Variants in CNOT6 observed in about 807,000 individuals in gnomAD.
CNOT6 encodes the protein CCR4-NOT transcription complex subunit 6.
A neutral mutation model predicts 61.2 loss-of-function variants in CNOT6; 12 were observed. The observed-to-expected ratio is 0.20, with a 90% CI of 0.13 to 0.32. CNOT6 has a LOEUF of 0.32. CNOT6 is among the 10% of genes least tolerant of loss of function. The probability of loss-of-function intolerance (pLI) is 1.00; values close to 1 mark genes in which losing one functional copy is unlikely to be tolerated. For synonymous variants in CNOT6, 225 were observed against 240.6 expected (o/e 0.94, Z 0.60); for missense variants, 405 against 663.9 (o/e 0.61, Z 4.28).
chr5:180,506,105 A>T (rs1228642230), intron 1 of CNOT6, among the ~76,000 whole-genome samples: 4 of 152,212 alleles, frequency 2.6e-5, no homozygotes, highest in Non-Finnish European at 5.9e-5. Flanking sequence ...TAGAAAGACT[A>T]GCTTTGGAGT....
In CNOT6 at chr5:180,549,865, T is replaced by C. The variant is rs965251632; in HGVS notation, c.113-66T>C. ...ACTCATAAAAACATCTAAATCTTAC[T>C]GAAATCTACAGAACAAAATGTAGAG... On this transcript the variant is annotated intron_variant, in intron 2 of 11. Coordinates refer to ENST00000261951, the MANE Select transcript of CNOT6 (RefSeq NM_001370472.1). 3.3e-6 allele frequency: 4 copies of C among 1,225,098 alleles called. No homozygotes were observed. In the African/African-American group the frequency reaches 4.5e-5, roughly 14 times the overall value. 75.9% of individuals were successfully genotyped at this position (1,225,098 alleles called of 1,614,324 possible).
intron 10 of CNOT6, among the ~76,000 whole-genome samples, chr5:180,570,014 C>T (rs966366019): frequency 3.3e-5 from 5 of 152,250 alleles, no homozygotes; most frequent in Admixed American, 2.0e-4. Context: ...CACACACACA[C>T]GCACATTTGG....
rs201756143 is a variant in CNOT6, at chr5:180,567,044, A to G, written c.718-44A>G. On this transcript the variant is annotated intron_variant, in intron 7 of 11. Coordinates refer to ENST00000261951, the MANE Select transcript of CNOT6 (RefSeq NM_001370472.1). ...ATACATAGAAGTTAATATGCAGACT[A>G]ATTTTTGTCTTATGAAATAACTGTG... is the stretch of plus-strand genomic sequence containing the variant. 3.4e-5 allele frequency: 52 copies of G among 1,548,510 alleles called. No homozygotes were observed. In the Admixed American group the frequency reaches 3.4e-4, roughly 10 times the overall value.
intron 6 of CNOT6, among the ~76,000 whole-genome samples, chr5:180,565,030 G>A (rs1235934818): frequency 6.6e-6 from 1 of 152,248 alleles, no homozygotes; most frequent in African/African-American, 2.4e-5. Context: ...CTGGGGAGAA[G>A]TGCTGCTGGC....
chr5:180,537,804 C>CTTTT (rs11407875), intron 2 of CNOT6, among the ~76,000 whole-genome samples: 4 of 141,942 alleles, frequency 2.8e-5, no homozygotes, highest in African/African-American at 1.0e-4. Context: ...CTTTCTCTCT[C>CTTTT]TTTTTTTTTT....
intron 1 of CNOT6, among the ~76,000 whole-genome samples, chr5:180,526,790 A>G (rs1369826293): frequency 6.6e-6 from 1 of 152,134 alleles, no homozygotes; most frequent in African/African-American, 2.4e-5. Context: ...CTTTGAGGGA[A>G]TATGCATGGG....
intron 1 of CNOT6, among the ~76,000 whole-genome samples, chr5:180,528,705 A>C (rs1448680150): frequency 6.6e-6 from 1 of 152,194 alleles, no homozygotes; most frequent in Non-Finnish European, 1.5e-5. Flanking sequence ...ACTCAGTTGC[A>C]GTCATTTTTC....
At chr5:180,548,544 CA>C (rs933191601) in intron 2 of CNOT6, among the ~76,000 whole-genome samples, 1 of 152,194 alleles carries the variant, frequency 6.6e-6, no homozygotes, top group African/African-American at 2.4e-5. Flanking sequence ...CAGGGAGGAT[CA>C]CTGTCCTCTA....
intron 1 of CNOT6, among the ~76,000 whole-genome samples, chr5:180,505,118 C>G (rs1757063621): frequency 6.6e-6 from 1 of 150,826 alleles, no homozygotes; most frequent in African/African-American, 2.4e-5. Flanking sequence ...GCCACCACAC[C>G]CAGCTAATTT....
At chr5:180,515,607 T>C (rs1475345066) in intron 1 of CNOT6, among the ~76,000 whole-genome samples, 3 of 151,958 alleles carry the variant, frequency 2.0e-5, no homozygotes, top group South Asian at 2.1e-4. Context: ...ATAGTTGAAG[T>C]TGAGAAATGA....
Position 180,575,499 on chromosome 5 carries a change from A to C in CNOT6, c.*1299A>C, listed in dbSNP as rs1760964443. 6.6e-6 allele frequency: 1 copy of C among 152,224 alleles called. No homozygotes were observed. Among genetic ancestry groups the C allele is most frequent in the Non-Finnish European group, 1.5e-5 (1 of 68,006 alleles). 9.4% of individuals were successfully genotyped at this position (152,224 alleles called of 1,614,324 possible). A position where few individuals can be genotyped will look rare whatever the true frequency, so the allele number is the denominator to read the frequency against. On this transcript the variant is annotated 3_prime_UTR_variant, in exon 12 of 12. Coordinates refer to ENST00000261951, the MANE Select transcript of CNOT6 (RefSeq NM_001370472.1). ...TTTTAATCATTCCTTTTTTAAGAAG[A>C]AGTAATTTTCCATTTATGAAGCAGT...
At chr5:180,504,229 A>G (rs1202817379) in intron 1 of CNOT6, among the ~76,000 whole-genome samples, 1 of 152,194 alleles carries the variant, frequency 6.6e-6, no homozygotes, top group African/African-American at 2.4e-5. Context: ...TATAGCTTTC[A>G]AATTTTCTGA....
chr5:180,542,043 C>T (rs1162376552), intron 2 of CNOT6, among the ~76,000 whole-genome samples: 3 of 152,060 alleles, frequency 2.0e-5, no homozygotes, highest in Admixed American at 6.6e-5. Context: ...GGCCTTCCAG[C>T]GTGCATTGTT....
At chr5:180,538,889 A>C (rs1188777177) in intron 2 of CNOT6, among the ~76,000 whole-genome samples, 6 of 151,228 alleles carry the variant, frequency 4.0e-5, no homozygotes, top group Admixed American at 4.0e-4. Flanking sequence ...AAAAGAAAAA[A>C]AATTGTCTGG....
intron 4 of CNOT6, among the ~76,000 whole-genome samples, chr5:180,557,346 T>C (rs1395956728): frequency 9.3e-6 from 1 of 107,868 alleles, no homozygotes; most frequent in Non-Finnish European, 2.2e-5. Context: ...GTGTAAGTAC[T>C]GCTTTACATT....
intron 1 of CNOT6, among the ~76,000 whole-genome samples, chr5:180,503,572 G>A (rs1756985905): frequency 8.6e-6 from 1 of 116,076 alleles, no homozygotes. Flanking sequence ...GCCCCAGTTT[G>A]TATTCTTACT....
At position 180,578,174 on chromosome 5, in the gene CNOT6, G is replaced by A. The variant is rs1166490906; in HGVS notation, c.*3974G>A. On this transcript the variant is annotated 3_prime_UTR_variant, in exon 12 of 12. Coordinates refer to ENST00000261951, the MANE Select transcript of CNOT6 (RefSeq NM_001370472.1). ...GTATTTCTTTATTGGCTGTTATTCT[G>A]TATAACACTCATATCTTTGCCAAAG... is the stretch of plus-strand genomic sequence containing the variant. 6.6e-6 allele frequency: 1 copy of A among 152,622 alleles called. No individual in the cohort carries two copies. Among genetic ancestry groups the A allele is most frequent in the African/African-American group, 2.4e-5 (1 of 41,446 alleles). 9.5% of individuals were successfully genotyped at this position (152,622 alleles called of 1,614,324 possible). A position where few individuals can be genotyped will look rare whatever the true frequency, so the allele number is the denominator to read the frequency against.
At chr5:180,529,460 A>C in intron 2 of CNOT6, 72 bp downstream of exon 2, 4 of 797,870 alleles carry the variant, frequency 5.0e-6, no homozygotes, top group Non-Finnish European at 8.5e-6. Context: ...TCTAATGCCA[A>C]TACAGGAAAG....
intron 4 of CNOT6, among the ~76,000 whole-genome samples, chr5:180,563,238 C>G (rs1561662829): frequency 7.0e-6 from 1 of 141,910 alleles, no homozygotes; most frequent in African/African-American, 2.6e-5. Flanking sequence ...TTTTTTGAGA[C>G]AGAGTCTCGC....
Sources: gnomAD v4.1 joint callset for allele counts (sites outside exome capture counted in the v4.1 genomes callset) on GRCh38, gnomAD v4.1.1 for gene constraint, MANE v1.5 for transcripts, NCBI Gene and HGNC (gene_info 2026-07-23, HGNC 2026-07-21) for gene names.